Variants in CDH12 observed in about 807,000 individuals in gnomAD.
The protein encoded by CDH12 is cadherin-12.
In CDH12, 41 loss-of-function variants were observed where a neutral mutation model predicts 74.1. The ratio of observed to expected loss-of-function variants is 0.55; its 90% CI spans 0.43 to 0.72. The LOEUF (loss-of-function observed/expected upper bound fraction) is 0.72, where lower values mean the gene tolerates loss of function less well. Among genes scored for constraint, CDH12 ranks in the 30% least tolerant of loss-of-function variants. The pLI is 0.00. For synonymous variants in CDH12, 399 were observed against 355.0 expected, an observed-to-expected ratio of 1.12 and a Z score of -1.39; for missense variants, 945 against 977.2, an observed-to-expected ratio of 0.97 and a Z score of 0.44.
At chr5:22,839,512 C>T (rs1369047041) in intron 1 of CDH12, among the ~76,000 whole-genome samples, 5 of 151,940 alleles carry the variant, frequency 3.3e-5, no homozygotes, top group Non-Finnish European at 5.9e-5. Flanking sequence ...CCCACCATCA[C>T]GTCTGGCTAA....
chr5:21,758,352 G>A (rs1210837263), intron 13 of CDH12, among the ~76,000 whole-genome samples: 1 of 152,096 alleles, frequency 6.6e-6, no homozygotes, highest in African/African-American at 2.4e-5. Flanking sequence ...GTGATAAAAT[G>A]TGGAGACTCT....
At chr5:22,394,758 G>C (rs1347862333) in intron 3 of CDH12, among the ~76,000 whole-genome samples, 2 of 151,990 alleles carry the variant, frequency 1.3e-5, no homozygotes, top group African/African-American at 4.8e-5. Flanking sequence ...TTGTTTTCTG[G>C]TTTCACAGGT....
At chr5:21,994,333 C>T (rs1251918640) in intron 5 of CDH12, among the ~76,000 whole-genome samples, 1 of 152,062 alleles carries the variant, frequency 6.6e-6, no homozygotes, top group Non-Finnish European at 1.5e-5. Context: ...GGAGTTCTGA[C>T]AACATCATAT....
intron 12 of CDH12, among the ~76,000 whole-genome samples, chr5:21,761,806 G>C (rs987659987): frequency 1.1e-4 from 17 of 151,630 alleles, no homozygotes; most frequent in Non-Finnish European, 1.3e-4. Context: ...CTGGGACCTT[G>C]GATATCCAGT....
At chr5:22,258,092 T>C (rs1442054893) in intron 3 of CDH12, among the ~76,000 whole-genome samples, 1 of 152,180 alleles carries the variant, frequency 6.6e-6, no homozygotes, top group Non-Finnish European at 1.5e-5. Context: ...GCTGAGGACG[T>C]AAAGTTTTTT....
chr5:22,824,052 C>G (rs1286057665), intron 1 of CDH12, among the ~76,000 whole-genome samples: 1 of 151,930 alleles, frequency 6.6e-6, no homozygotes, highest in Non-Finnish European at 1.5e-5. Flanking sequence ...GATAATAACT[C>G]CAAGAACATA....
chr5:22,140,521 T>C (rs1746728640), intron 4 of CDH12, among the ~76,000 whole-genome samples: 2 of 149,726 alleles, frequency 1.3e-5, no homozygotes, highest in South Asian at 2.1e-4. Context: ...CCTCTGTGCA[T>C]GTGTGTGTGT....
chr5:21,889,482 T>C (rs1351232151), intron 6 of CDH12: 7 of 632,030 alleles, frequency 1.1e-5, no homozygotes, highest in Non-Finnish European at 1.4e-5. Flanking sequence ...ATTGCCTTTG[T>C]GGGGCTTATC....
Position 22,462,586 on chromosome 5 carries a change from G to C in CDH12, c.-428+42684C>G, listed in dbSNP as rs150232207. On this transcript the variant is annotated intron_variant, in intron 2 of 14. Coordinates refer to ENST00000382254, the MANE Select transcript of CDH12 (RefSeq NM_004061.5). ...AATAGTCACTGAAGAAAAATCAGAT[G>C]CCACCCACACCTGTGAAGATCTGGG... Among the ~76,000 whole-genome samples, 620 of 152,112 alleles carry C rather than the reference G, an allele frequency of 4.1e-3. 4 individuals are homozygous for C. The highest frequency in any genetic ancestry group is 0.014 in the African/African-American group (569 of 41,500).
At chr5:22,737,549 AAGAAAT>A (rs1452220481) in intron 1 of CDH12, among the ~76,000 whole-genome samples, 3 of 152,006 alleles carry the variant, frequency 2.0e-5, no homozygotes, top group Non-Finnish European at 4.4e-5. Context: ...ACTTAGCTGA[AAGAAAT>A]AGAAATAGAA....
chr5:22,558,656 A>C (rs534497919), intron 1 of CDH12, among the ~76,000 whole-genome samples: 33 of 152,056 alleles, frequency 2.2e-4, no homozygotes, highest in Non-Finnish European at 4.4e-4. Flanking sequence ...GAGGGGGAAA[A>C]AACCATAAAA....
chr5:22,007,474 T>A (rs1737037648), intron 5 of CDH12, among the ~76,000 whole-genome samples: 1 of 152,122 alleles, frequency 6.6e-6, no homozygotes, highest in African/African-American at 2.4e-5. Context: ...AAAAAAATAG[T>A]AAAATGATGA....
chr5:22,702,590 A>T (rs1742773048), intron 1 of CDH12, among the ~76,000 whole-genome samples: 2 of 151,924 alleles, frequency 1.3e-5, no homozygotes, highest in Admixed American at 1.3e-4. Flanking sequence ...AGGATGTGAT[A>T]CCTTCTTATA....
chr5:21,784,850 A>G (rs6890190), intron 10 of CDH12, among the ~76,000 whole-genome samples: 13,291 of 152,220 alleles, frequency 0.087, 982 homozygotes, highest in African/African-American at 0.19. Flanking sequence ...GCATTTACAA[A>G]TGAAATACAT....
At chr5:22,804,510 C>T (rs1196613588) in intron 1 of CDH12, among the ~76,000 whole-genome samples, 2 of 152,124 alleles carry the variant, frequency 1.3e-5, no homozygotes, top group Admixed American at 6.6e-5. Flanking sequence ...ACGCTGCAGT[C>T]GTGAGTCTGA....
Position 22,704,612 on chromosome 5 carries a change from GTAA to G in CDH12, c.-523+148443_-523+148445del, listed in dbSNP as rs1196046349. On this transcript the variant is annotated intron_variant, in intron 1 of 14. Transcript: ENST00000382254. Reference sequence around the variant, plus strand: ...AAATCTGTTGAAATATTTACAAGAAGTAATAATAATTATAGAAAATCTAGAACT... The same window carrying G: ...AAATCTGTTGAAATATTTACAAGAAGTAATAATTATAGAAAATCTAGAACT... Among the ~76,000 whole-genome samples the G allele has an allele frequency of 4.6e-5, 7 of 152,170 alleles. No homozygotes were observed. The East Asian group carries it at 1.4e-3, about 29-fold the overall frequency.
At chr5:22,666,132 AAATGGACCC>A (rs1480438559) in intron 1 of CDH12, among the ~76,000 whole-genome samples, 8 of 152,268 alleles carry the variant, frequency 5.3e-5, no homozygotes, top group African/African-American at 1.9e-4. Flanking sequence ...TTACCTCAGT[AAATGGACCC>A]AATTCCAATG....
At chr5:22,396,651 C>T (rs545721370) in intron 3 of CDH12, among the ~76,000 whole-genome samples, 30 of 152,198 alleles carry the variant, frequency 2.0e-4, no homozygotes, top group East Asian at 7.7e-4. Flanking sequence ...AGTGTAAATT[C>T]AGGCTTCAAT....
At chr5:22,576,249 CA>C (rs1739782403) in intron 1 of CDH12, among the ~76,000 whole-genome samples, 1 of 152,156 alleles carries the variant, frequency 6.6e-6, no homozygotes, top group Admixed American at 6.5e-5. Flanking sequence ...TTGAAGTTCT[CA>C]CTACCTGGCT....
Sources: gnomAD v4.1 joint callset for allele counts (sites outside exome capture counted in the v4.1 genomes callset) on GRCh38, gnomAD v4.1.1 for gene constraint, MANE v1.5 for transcripts, NCBI Gene and HGNC (gene_info 2026-07-23, HGNC 2026-07-21) for gene names.